ENTPD1: variants seen among roughly 807,000 people sequenced by gnomAD.
ENTPD1 encodes the protein ATP diphosphohydrolase.
Under a neutral mutation model 57.0 loss-of-function variants are expected in ENTPD1, and 33 were observed. The ratio of observed to expected loss-of-function variants is 0.58; its 90% CI spans 0.44 to 0.77. The LOEUF (loss-of-function observed/expected upper bound fraction) is 0.77, where lower values mean the gene tolerates loss of function less well. Among genes scored for constraint, ENTPD1 ranks in the 30% least tolerant of loss-of-function variants. The pLI is 0.00. For missense variants in ENTPD1, 501 were observed against 603.4 expected (o/e 0.83, Z 1.78); for synonymous variants, 202 against 218.8 (o/e 0.92, Z 0.68).
chr10:95,823,442 T>A (rs141207585), intron 2 of ENTPD1, 78 bp downstream of exon 2: 2 of 1,603,550 alleles, frequency 1.2e-6, no homozygotes, highest in African/African-American at 2.7e-5. Context: ...GGATAAGGTA[T>A]GTAGAGCATA....
At chr10:95,821,473 G>A (rs764160072) in intron 1 of ENTPD1, among the ~76,000 whole-genome samples, 1 of 152,130 alleles carries the variant, frequency 6.6e-6, no homozygotes, top group Non-Finnish European at 1.5e-5. Flanking sequence ...TTCCTCCACG[G>A]TCACATGGGC....
intron 1 of ENTPD1, among the ~76,000 whole-genome samples, chr10:95,813,620 C>T (rs915295980): frequency 3.3e-5 from 5 of 152,082 alleles, no homozygotes; most frequent in African/African-American, 9.7e-5. Flanking sequence ...GAGCCCCTCC[C>T]ACCCTCCATT....
Position 95,869,830 on chromosome 10 carries a change from A to G in ENTPD1, c.*3447A>G, listed in dbSNP as rs2098478531. On this transcript the variant is annotated 3_prime_UTR_variant, in exon 10 of 10. Coordinates refer to ENST00000371205, the MANE Select transcript of ENTPD1 (RefSeq NM_001776.6). ...CAAGGAATCAATATAAAAATTGTTA[A>G]TATTTTTCTCATACTAAATTTTCAA... The G allele has an allele frequency of 1.4e-6, 1 of 733,608 alleles. No homozygotes were observed. The highest frequency in any genetic ancestry group is 6.3e-5 in the Admixed American group (1 of 15,952). 45.4% of individuals were successfully genotyped at this position (733,608 alleles called of 1,614,324 possible).
At chr10:95,812,525 T>C (rs2098312437) in intron 1 of ENTPD1, among the ~76,000 whole-genome samples, 1 of 152,366 alleles carries the variant, frequency 6.6e-6, no homozygotes, top group Non-Finnish European at 1.5e-5. Context: ...TTTTGGCAAT[T>C]ATGAATAAAG....
In ENTPD1 at chr10:95,713,653, C is replaced by G. The variant is rs557883713; in HGVS notation, c.37+1660C>G. Among the ~76,000 whole-genome samples, 30 of 152,296 alleles carry G rather than the reference C, an allele frequency of 2.0e-4. No individual in the cohort carries two copies. The South Asian group carries it at 5.8e-3, about 29-fold the overall frequency. On this transcript the variant is annotated intron_variant, in intron 1 of 9. Coordinates refer to the ENTPD1 transcript ENST00000453258. Reference sequence around the variant, plus strand: ...ACTTGTAAGCTCTTTAACTCAACAGCACAAACATTTATAAAACTTGGTTTA... The same window carrying G: ...ACTTGTAAGCTCTTTAACTCAACAGGACAAACATTTATAAAACTTGGTTTA...
At chr10:95,748,895 G>A (rs1235828509) in intron 1 of ENTPD1, among the ~76,000 whole-genome samples, 1 of 152,062 alleles carries the variant, frequency 6.6e-6, no homozygotes, top group Non-Finnish European at 1.5e-5. Context: ...TTTACTGATT[G>A]CATTCCTGTT....
chr10:95,832,696 G>C (rs752574727), intron 2 of ENTPD1, among the ~76,000 whole-genome samples: 8 of 152,186 alleles, frequency 5.3e-5, no homozygotes, highest in Non-Finnish European at 1.2e-4. Flanking sequence ...TCAGGGACCA[G>C]ACCACTTTGA....
intron 1 of ENTPD1, among the ~76,000 whole-genome samples, chr10:95,799,528 C>T (rs150562781): frequency 6.6e-6 from 1 of 152,044 alleles, no homozygotes; most frequent in East Asian, 1.9e-4. Flanking sequence ...ACCACATTTT[C>T]TTTATCTGGT....
chr10:95,780,675 G>A (rs929429179), intron 1 of ENTPD1, among the ~76,000 whole-genome samples: 5 of 152,202 alleles, frequency 3.3e-5, no homozygotes, highest in Admixed American at 1.3e-4. Context: ...GTGTCCAAGA[G>A]AGGAACAAAC....
In ENTPD1 at chr10:95,756,191, T is replaced by TGG. The variant is rs149930011; in HGVS notation, c.-41_-40dup. On this transcript the variant is annotated 5_prime_UTR_variant, in exon 1 of 10. Coordinates refer to ENST00000371205, the MANE Select transcript of ENTPD1 (RefSeq NM_001776.6). ...GAGACGGACCACAGCAAGCAGAGGC[T>TGG]GGGGGGGGGAAAGACGAGGAAAGAG... 247 of 1,484,654 alleles carry TGG rather than the reference T, an allele frequency of 1.7e-4. No homozygotes were observed. Among genetic ancestry groups the TGG allele is most frequent in the Admixed American group, 1.3e-3 (66 of 51,112 alleles). 92.0% of individuals were successfully genotyped at this position (1,484,654 alleles called of 1,614,324 possible).
chr10:95,766,162 A>T (rs567943457), intron 1 of ENTPD1, among the ~76,000 whole-genome samples: 1 of 152,180 alleles, frequency 6.6e-6, no homozygotes, highest in Non-Finnish European at 1.5e-5. Context: ...CACACACAAC[A>T]GTCACATATA....
At chr10:95,696,641 T>C in the ENTPD1 span, among the ~76,000 whole-genome samples, 1 of 152,228 alleles carries the variant, frequency 6.6e-6, no homozygotes, top group East Asian at 1.9e-4. Context: ...ACTTTTGAGA[T>C]CCAGTATTAA....
At chr10:95,711,485 T>A (rs2097965535), upstream of ENTPD1, among the ~76,000 whole-genome samples, 1 of 152,224 alleles carries the variant, frequency 6.6e-6, no homozygotes, top group Non-Finnish European at 1.5e-5. Context: ...TTCCCCTATA[T>A]CTTTTATTTA....
chr10:95,696,946 C>A, the ENTPD1 span, among the ~76,000 whole-genome samples: 2 of 152,176 alleles, frequency 1.3e-5, no homozygotes, highest in African/African-American at 4.8e-5. Flanking sequence ...TTACAGAAAA[C>A]TTAGATACAC....
Position 95,847,467 on chromosome 10 carries a change from A to G in ENTPD1, c.835A>G (p.Arg279Gly). The G allele has an allele frequency of 6.2e-7, 1 of 1,614,170 alleles. No individual in the cohort carries two copies. Among genetic ancestry groups the G allele is most frequent in the Non-Finnish European group, 8.5e-7 (1 of 1,180,004 alleles). The change falls in exon 7 of 10, where the codon AGG becomes GGG. Residue 279 changes from arginine (R) to glycine (G), a missense_variant. Coordinates refer to ENST00000371205, the MANE Select transcript of ENTPD1 (RefSeq NM_001776.6). ...DIQVASNEIL[R>G]DPCFHPGYKK... is the part of the protein sequence containing the mutation. ...TCAGGTTGCAAGTAATGAAATTCTCAGGGACCCATGCTTTCATCCTGGATA... is the reference window on the plus strand; with the variant it reads ...TCAGGTTGCAAGTAATGAAATTCTCGGGGACCCATGCTTTCATCCTGGATA...
chr10:95,783,981 C>A (rs973391299), intron 1 of ENTPD1, among the ~76,000 whole-genome samples: 2 of 151,870 alleles, frequency 1.3e-5, no homozygotes, highest in Non-Finnish European at 2.9e-5. Context: ...GGTAGAAAAT[C>A]TATGCAAAAA....
intron 1 of ENTPD1, among the ~76,000 whole-genome samples, chr10:95,807,319 G>T (rs951396674): frequency 5.3e-5 from 8 of 152,246 alleles, no homozygotes; most frequent in South Asian, 4.1e-4. Flanking sequence ...GCCAAGCCAG[G>T]CACGGGAGAG....
intron 1 of ENTPD1, among the ~76,000 whole-genome samples, chr10:95,757,929 C>T (rs916555333): frequency 2.1e-5 from 3 of 142,188 alleles, no homozygotes; most frequent in African/African-American, 7.8e-5. Context: ...CACCTGAACC[C>T]GGGAGGCAGA....
At chr10:95,796,855 G>C (rs944446933) in intron 1 of ENTPD1, among the ~76,000 whole-genome samples, 1 of 152,020 alleles carries the variant, frequency 6.6e-6, no homozygotes, top group Admixed American at 6.6e-5. Context: ...ATGGAAGGAG[G>C]GTCACTTGAG....
Sources: gnomAD v4.1 joint callset for allele counts (sites outside exome capture counted in the v4.1 genomes callset) on GRCh38, gnomAD v4.1.1 for gene constraint, MANE v1.5 for transcripts, NCBI Gene and HGNC (gene_info 2026-07-23, HGNC 2026-07-21) for gene names.